The following STK32B variants were observed in gnomAD, a reference collection of about 807,000 sequenced individuals.
STK32B encodes serine/threonine-protein kinase 32B.
A neutral mutation model predicts 52.6 loss-of-function variants in STK32B; 43 were observed. The ratio of observed to expected loss-of-function variants is 0.82; its 90% CI spans 0.64 to 1.05. The LOEUF (loss-of-function observed/expected upper bound fraction) is 1.05. Ranked by LOEUF, STK32B falls within the 50% of genes least tolerant of loss-of-function variation. The pLI, the probability that STK32B is intolerant of heterozygous loss-of-function variation, is 0.00. For missense variants in STK32B, 621 were observed against 534.6 expected (o/e 1.16, Z -1.59); for synonymous variants, 238 against 204.3 (o/e 1.17, Z -1.41).
At chr4:5,313,674 G>A (rs1045674319) in intron 3 of STK32B, among the ~76,000 whole-genome samples, 3 of 152,138 alleles carry the variant, frequency 2.0e-5, no homozygotes, top group Admixed American at 1.3e-4. Context: ...TGTGTGTGCA[G>A]TTGTGACAGC....
intron 4 of STK32B, among the ~76,000 whole-genome samples, chr4:5,338,930 G>A (rs182493783): frequency 6.6e-5 from 10 of 152,312 alleles, no homozygotes; most frequent in African/African-American, 2.4e-4. Flanking sequence ...CTGTGAGGAT[G>A]CTTCCAGAGG....
chr4:5,484,801 C>T (rs1211194268), intron 11 of STK32B, among the ~76,000 whole-genome samples: 1 of 152,174 alleles, frequency 6.6e-6, no homozygotes, highest in African/African-American at 2.4e-5. Flanking sequence ...CAAAATCTCT[C>T]AGCATTTGCT....
At position 5,058,481 on chromosome 4, in the gene STK32B, G is replaced by C. The variant is rs1182471272; in HGVS notation, c.52+6566G>C. Among the ~76,000 whole-genome samples, 1 of 152,188 alleles carries C rather than the reference G, an allele frequency of 6.6e-6. No homozygotes were observed. The highest frequency in any genetic ancestry group is 1.5e-5 in the Non-Finnish European group (1 of 68,038). On this transcript the variant is annotated intron_variant, in intron 1 of 11. Transcript: ENST00000282908. The surrounding 1 kb of genome is among the most constrained non-coding windows in gnomAD (Gnocchi z 4.8). ...TGGTTCCCAGAGTGAGAACAACATG[G>C]ATCAGAGATCACACTCACTGCTAGC...
intron 3 of STK32B, among the ~76,000 whole-genome samples, chr4:5,226,911 T>A (rs1723916547): frequency 6.6e-6 from 1 of 152,196 alleles, no homozygotes; most frequent in Admixed American, 6.5e-5. Flanking sequence ...TAACATAATG[T>A]TAACAGAAGT....
chr4:5,430,963 G>C (rs1431231788), intron 6 of STK32B, among the ~76,000 whole-genome samples: 1 of 152,186 alleles, frequency 6.6e-6, no homozygotes, highest in African/African-American at 2.4e-5. Flanking sequence ...TGCTGATGTG[G>C]CAGAGGGTGG....
At chr4:5,194,544 A>G (rs981322256) in intron 3 of STK32B, among the ~76,000 whole-genome samples, 1 of 152,208 alleles carries the variant, frequency 6.6e-6, no homozygotes, top group East Asian at 1.9e-4. Context: ...CGCCAGAGCA[A>G]TTGAAAGATG....
At chr4:5,044,037 A>G in the STK32B span, among the ~76,000 whole-genome samples, 3 of 151,974 alleles carry the variant, frequency 2.0e-5, no homozygotes, top group African/African-American at 7.3e-5. Flanking sequence ...ATGGTTTACA[A>G]TTTACCAGGT....
In STK32B at chr4:5,394,175, C is replaced by T. The variant is rs78389514; in HGVS notation, c.435-4032C>T. ...AAAATATCCCAGCTGACATTTTATG[C>T]TTTGTTTTATTTGAGGGCTGGGGAA... On this transcript the variant is annotated intron_variant, in intron 4 of 11. Coordinates refer to ENST00000282908, the MANE Select transcript of STK32B (RefSeq NM_018401.3). The surrounding 1 kb of genome is among the most constrained non-coding windows in gnomAD (Gnocchi z 4.2). Among the ~76,000 whole-genome samples, 3,590 of 152,186 alleles carry T rather than the reference C, an allele frequency of 0.024. 113 individuals are homozygous for T. The highest frequency in any genetic ancestry group is 0.083 in the East Asian group (429 of 5,172).
At chr4:5,068,430 A>C (rs1711552399) in intron 1 of STK32B, among the ~76,000 whole-genome samples, 1 of 152,152 alleles carries the variant, frequency 6.6e-6, no homozygotes, top group South Asian at 2.1e-4. Context: ...AGTTCAAGCC[A>C]AGTTGCTGAT....
chr4:5,210,677 C>G (rs1467484232), intron 3 of STK32B, among the ~76,000 whole-genome samples: 1 of 152,034 alleles, frequency 6.6e-6, no homozygotes, highest in African/African-American at 2.4e-5. Context: ...GGCAGGCATT[C>G]AAAAACAGAT....
At chr4:5,496,003 G>T (rs1047956097) in intron 11 of STK32B, among the ~76,000 whole-genome samples, 70 of 152,306 alleles carry the variant, frequency 4.6e-4, no homozygotes, top group African/African-American at 1.6e-3. Flanking sequence ...GGTGCCTCCC[G>T]GTTAGGCTGC....
intron 6 of STK32B, among the ~76,000 whole-genome samples, chr4:5,422,259 T>C (rs1490363352): frequency 1.3e-5 from 2 of 152,158 alleles, no homozygotes; most frequent in Non-Finnish European, 2.9e-5. Flanking sequence ...AAGGGAGAGC[T>C]CTCTCAATAA....
chr4:5,368,800 T>C (rs962338599), intron 4 of STK32B, among the ~76,000 whole-genome samples: 9 of 152,234 alleles, frequency 5.9e-5, no homozygotes, highest in Admixed American at 2.6e-4. Context: ...CTGGGGACAC[T>C]GTGCAAGCCC....
intron 3 of STK32B, among the ~76,000 whole-genome samples, chr4:5,299,427 C>T (rs112280860): frequency 0.033 from 5,011 of 151,884 alleles, 257 homozygotes; most frequent in African/African-American, 0.11. Context: ...TTTTTTAATC[C>T]ATCTTTAGTT....
At chr4:5,175,090 C>T (rs921841503) in intron 3 of STK32B, among the ~76,000 whole-genome samples, 25 of 152,178 alleles carry the variant, frequency 1.6e-4, no homozygotes, top group African/African-American at 6.0e-4. Flanking sequence ...CCGTTGATTG[C>T]AACGGTTACT....
intron 4 of STK32B, among the ~76,000 whole-genome samples, chr4:5,355,295 A>G (rs889923299): frequency 6.6e-6 from 1 of 152,150 alleles, no homozygotes; most frequent in Non-Finnish European, 1.5e-5. Flanking sequence ...AGGACCTTAT[A>G]TATAAGCCTG....
At chr4:5,326,041 C>A (rs1361672407) in intron 3 of STK32B, among the ~76,000 whole-genome samples, 1 of 152,140 alleles carries the variant, frequency 6.6e-6, no homozygotes, top group Non-Finnish European at 1.5e-5. Context: ...AAATATTGTT[C>A]TCTTAGCATT....
chr4:5,065,484 C>A lies in STK32B; in HGVS notation c.52+13569C>A, dbSNP rs145148690. Among the ~76,000 whole-genome samples the A allele has an allele frequency of 1.3e-3, 198 of 152,238 alleles. 1 individual carries two copies. The highest frequency in any genetic ancestry group is 1.1e-3 in the Non-Finnish European group (74 of 68,028). ...GCCACTTAGATGAGGGCTACTAGGC[C>A]CCCTGGACACCATCCCGCTGAATGC... On this transcript the variant is annotated intron_variant, in intron 1 of 11. Transcript: ENST00000282908.
At chr4:5,316,604 A>G (rs1320580398) in intron 3 of STK32B, among the ~76,000 whole-genome samples, 5 of 18,174 alleles carry the variant, frequency 2.8e-4, no homozygotes, top group Non-Finnish European at 3.0e-4. Flanking sequence ...TTACATATAT[A>G]ATATATATTA....
Sources: gnomAD v4.1 joint callset for allele counts (sites outside exome capture counted in the v4.1 genomes callset) on GRCh38, gnomAD v4.1.1 for gene constraint, Gnocchi (gnomAD v3.1) non-coding constraint, MANE v1.5 for transcripts, NCBI Gene and HGNC (gene_info 2026-07-23, HGNC 2026-07-21) for gene names.